PRDM16: variants seen among roughly 807,000 people sequenced by gnomAD.
The protein encoded by PRDM16 is PR/SET domain 16, also known as histone-lysine N-methyltransferase PRDM16.
Under a neutral mutation model 110.6 loss-of-function variants are expected in PRDM16, and 23 were observed. That is an observed-to-expected ratio of 0.21 (90% confidence interval 0.15 to 0.29). The LOEUF (loss-of-function observed/expected upper bound fraction) is 0.29. Among genes scored for constraint, PRDM16 ranks in the 10% least tolerant of loss-of-function variants. The pLI, the probability that PRDM16 is intolerant of heterozygous loss-of-function variation, is 1.00. For missense variants in PRDM16, 1,615 were observed against 1,794.3 expected (o/e 0.90, Z 1.81); for synonymous variants, 799 against 781.8 (o/e 1.02, Z -0.37).
At chr1:3,289,141 A>G (rs895791040) in intron 3 of PRDM16, among the ~76,000 whole-genome samples, 2 of 152,160 alleles carry the variant, frequency 1.3e-5, no homozygotes, top group African/African-American at 4.8e-5. Context: ...CCCCTGCTAC[A>G]GGGCTCAGGT....
intron 10 of PRDM16, among the ~76,000 whole-genome samples, chr1:3,414,990 G>A (rs1643755731): frequency 6.6e-6 from 1 of 152,212 alleles, no homozygotes. Flanking sequence ...AGCCTCAGGT[G>A]GCAGCCCAGG....
At chr1:3,383,819 A>C (rs1643148132) in intron 3 of PRDM16, among the ~76,000 whole-genome samples, 1 of 146,518 alleles carries the variant, frequency 6.8e-6, no homozygotes, top group African/African-American at 2.4e-5. Context: ...CCGCCCAGAC[A>C]CACCTGCTCA....
Position 3,411,940 on chromosome 1 carries a change from C to T in PRDM16, c.1743C>T (p.Ser581=), listed in dbSNP as rs530252187. Reference sequence around the variant, plus strand: ...CGGGGCCCGAGGAGAAGTTCGAGAGCCGCCTGGAGGACTCCTGTGTGGAGA... The same window carrying T: ...CGGGGCCCGAGGAGAAGTTCGAGAGTCGCCTGGAGGACTCCTGTGTGGAGA... ...AAAGPEEKFE[S]RLEDSCVEKL... The change falls in exon 9 of 17, where the codon AGC becomes AGT. Residue 581 remains serine (S), a synonymous_variant. Coordinates refer to ENST00000270722, the MANE Select transcript of PRDM16 (RefSeq NM_022114.4). The T allele has an allele frequency of 1.2e-6, 2 of 1,613,722 alleles. No homozygotes were observed. The highest frequency in any genetic ancestry group is 2.2e-5 in the South Asian group (2 of 91,074).
rs370672142 is a variant in PRDM16 at position 3,134,225 on chromosome 1, A to G, written c.38-51900A>G. Among the ~76,000 whole-genome samples the G allele has an allele frequency of 5.4e-4, 82 of 152,296 alleles. 3 individuals carry two copies. The South Asian group carries it at 0.017, about 31-fold the overall frequency. ...GAAGCCTCTACACAGAGGCTCCCAC[A>G]GAGAGGGGATTGTGTGGAGCTGTCC... On this transcript the variant is annotated intron_variant, in intron 1 of 16. Coordinates refer to ENST00000270722, the MANE Select transcript of PRDM16 (RefSeq NM_022114.4).
chr1:3,236,570 C>T (rs557939195), intron 2 of PRDM16, among the ~76,000 whole-genome samples: 115 of 152,284 alleles, frequency 7.6e-4, no homozygotes, highest in Admixed American at 1.2e-3. Flanking sequence ...CGGTGGGTGC[C>T]TGGGTGACCC....
chr1:3,383,447 C>T (rs1324609288), intron 3 of PRDM16, among the ~76,000 whole-genome samples: 3 of 152,156 alleles, frequency 2.0e-5, no homozygotes, highest in Admixed American at 6.5e-5. Flanking sequence ...GACTCGAGGC[C>T]CTCTGCCTGT....
Position 3,252,307 on chromosome 1 carries a change from G to C in PRDM16, c.438+8170G>C, listed in dbSNP as rs931364173. Among the ~76,000 whole-genome samples, 8 of 152,228 alleles carry C rather than the reference G, an allele frequency of 5.3e-5. No individual in the cohort carries two copies. In the East Asian group the frequency reaches 1.3e-3, roughly 26 times the overall value. On this transcript the variant is annotated intron_variant, in intron 3 of 16. Transcript: ENST00000270722. ...GGTGTCCCTGTGCGGGCATTGGGGGGCTGGGCTCTGCAGCTGCTCCTCTGC... is the reference window on the plus strand; with the variant it reads ...GGTGTCCCTGTGCGGGCATTGGGGGCCTGGGCTCTGCAGCTGCTCCTCTGC...
intron 1 of PRDM16, among the ~76,000 whole-genome samples, chr1:3,150,102 T>C (rs188464396): frequency 6.6e-6 from 1 of 152,190 alleles, no homozygotes; most frequent in East Asian, 1.9e-4. Flanking sequence ...ACATCCCTCC[T>C]GAATCTGCTG....
At chr1:3,235,005 CCTGCCGTCCA>C (rs769398883) in intron 2 of PRDM16, among the ~76,000 whole-genome samples, 1 of 152,226 alleles carries the variant, frequency 6.6e-6, no homozygotes, top group Non-Finnish European at 1.5e-5. Context: ...GTCAAGGTCA[CCTGCCGTCCA>C]CTTAGAACCA....
At chr1:3,092,172 C>A (rs372733386) in intron 1 of PRDM16, among the ~76,000 whole-genome samples, 1 of 152,118 alleles carries the variant, frequency 6.6e-6, no homozygotes, top group Non-Finnish European at 1.5e-5. Context: ...GAGAGCACCA[C>A]GACTGTGCCT....
rs149773994 is a variant in PRDM16, at chr1:3,337,844, G to A, written c.439-47308G>A. Among the ~76,000 whole-genome samples the A allele has an allele frequency of 5.1e-4, 77 of 152,306 alleles. 1 individual carries two copies. The East Asian group carries it at 0.014, about 28-fold the overall frequency. ...GAGCATTGGTGCTGGAACAAAAGATGGAGGGAAAAGAAACAAAAGTCACAC... is the reference window on the plus strand; with the variant it reads ...GAGCATTGGTGCTGGAACAAAAGATAGAGGGAAAAGAAACAAAAGTCACAC... On this transcript the variant is annotated intron_variant, in intron 3 of 16. Transcript: ENST00000270722.
intron 12 of PRDM16, among the ~76,000 whole-genome samples, chr1:3,423,181 T>G (rs1638489540): frequency 6.6e-6 from 1 of 152,150 alleles, no homozygotes; most frequent in South Asian, 2.1e-4. Context: ...AGGAGTGCCC[T>G]TCTCCCAGGA....
Position 3,359,348 on chromosome 1 carries a change from G to T in PRDM16, c.439-25804G>T, listed in dbSNP as rs1368794910. On this transcript the variant is annotated intron_variant, in intron 3 of 16. Transcript: ENST00000270722. The surrounding 1 kb of genome is among the most constrained non-coding windows in gnomAD (Gnocchi z 4.3). ...CTGGATGTCAATGTCCATGAAAACA[G>T]CCTCAGAACTATCAGGGTCTCCCTT... is the stretch of plus-strand genomic sequence containing the variant. Among the ~76,000 whole-genome samples, 1 of 152,214 alleles carries T rather than the reference G, an allele frequency of 6.6e-6. No homozygotes were observed. Among genetic ancestry groups the T allele is most frequent in the East Asian group, 1.9e-4 (1 of 5,188 alleles).
At chr1:3,268,250 G>A (rs565550922) in intron 3 of PRDM16, among the ~76,000 whole-genome samples, 2 of 152,214 alleles carry the variant, frequency 1.3e-5, no homozygotes, top group Admixed American at 6.5e-5. Flanking sequence ...GTTTGTCTCC[G>A]CTAATCCACG....
intron 2 of PRDM16, among the ~76,000 whole-genome samples, chr1:3,228,404 G>A (rs1054339208): frequency 1.3e-5 from 2 of 152,200 alleles, no homozygotes; most frequent in Non-Finnish European, 2.9e-5. Flanking sequence ...AATTACTTGA[G>A]GCTACACAAA....
intron 3 of PRDM16, among the ~76,000 whole-genome samples, chr1:3,322,834 A>T (rs74344710): frequency 0.01 from 1,568 of 152,300 alleles, 27 homozygotes; most frequent in African/African-American, 0.035. Flanking sequence ...GGATGGGGAC[A>T]GGGAGGGCAG....
intron 2 of PRDM16, among the ~76,000 whole-genome samples, chr1:3,230,831 G>A (rs377698894): frequency 3.3e-5 from 5 of 152,308 alleles, no homozygotes; most frequent in Admixed American, 1.3e-4. Context: ...TGAGGCATTC[G>A]AAGTGACAAC....
intron 2 of PRDM16, among the ~76,000 whole-genome samples, chr1:3,231,302 G>A (rs1050438421): frequency 1.3e-5 from 2 of 148,952 alleles, no homozygotes; most frequent in African/African-American, 5.1e-5. Flanking sequence ...CGTCTTGAGC[G>A]CCATCACGAT....
intron 3 of PRDM16, among the ~76,000 whole-genome samples, chr1:3,344,320 A>C (rs2100519617): frequency 6.6e-6 from 1 of 152,322 alleles, no homozygotes; most frequent in Middle Eastern, 3.4e-3. Flanking sequence ...TCTAAAAAAA[A>C]AACTAAGCCT....
Sources: allele counts gnomAD v4.1 joint callset (sites outside exome capture counted in the v4.1 genomes callset), GRCh38; gene constraint gnomAD v4.1.1; non-coding constraint Gnocchi (gnomAD v3.1); transcripts MANE v1.5; gene names NCBI Gene and HGNC (gene_info 2026-07-23, HGNC 2026-07-21).